The following PPM1H variants were observed in gnomAD, a reference collection of about 807,000 sequenced individuals.
PPM1H encodes protein phosphatase 1H.
In PPM1H, 27 loss-of-function variants were observed where a neutral mutation model predicts 54.9. The observed-to-expected ratio is 0.49, with a 90% CI of 0.36 to 0.68. The LOEUF is 0.68. PPM1H is among the 30% of genes least tolerant of loss of function. The probability of loss-of-function intolerance (pLI) is 0.00; values close to 1 mark genes in which losing one functional copy is unlikely to be tolerated. For missense variants in PPM1H, 596 were observed against 667.8 expected (o/e 0.89, Z 1.19); for synonymous variants, 305 against 270.8 (o/e 1.13, Z -1.24).
At chr12:62,725,110 C>T (rs2076283086) in intron 5 of PPM1H, among the ~76,000 whole-genome samples, 1 of 152,224 alleles carries the variant, frequency 6.6e-6, no homozygotes. Flanking sequence ...CTGACTCCCA[C>T]TTCAGGAATG....
At chr12:62,865,783 C>T (rs1355523325) in intron 1 of PPM1H, among the ~76,000 whole-genome samples, 2 of 152,164 alleles carry the variant, frequency 1.3e-5, no homozygotes, top group African/African-American at 4.8e-5. Context: ...AGGCCTGAGC[C>T]ACCATGCCTG....
chr12:62,822,822 C>T (rs1467154571), intron 2 of PPM1H, among the ~76,000 whole-genome samples: 1 of 152,018 alleles, frequency 6.6e-6, no homozygotes, highest in Non-Finnish European at 1.5e-5. Flanking sequence ...CCTAACATCA[C>T]AATTAAAAGA....
intron 9 of PPM1H, among the ~76,000 whole-genome samples, chr12:62,660,528 T>C (rs1389032755): frequency 2.0e-5 from 3 of 152,046 alleles, no homozygotes; most frequent in Non-Finnish European, 1.5e-5. Context: ...AACCTGGAAG[T>C]AAATCCATGC....
In PPM1H at chr12:62,667,452, T is replaced by C. The variant is rs1160935320; in HGVS notation, c.1246-123A>G. 6 of 871,894 alleles carry C rather than the reference T, an allele frequency of 6.9e-6. No homozygotes were observed. The Admixed American group carries it at 1.4e-4, about 21-fold the overall frequency. 54.0% of individuals were successfully genotyped at this position (871,894 alleles called of 1,614,324 possible). On this transcript the variant is annotated intron_variant, in intron 8 of 9. Transcript: ENST00000228705. ...CCTAGTGGTTTTCAGATATGCATTG[T>C]AGGGTACTTGATTATACAGCGAGCT... is the stretch of plus-strand genomic sequence containing the variant.
At chr12:62,701,743 T>C (rs892296760) in intron 6 of PPM1H, among the ~76,000 whole-genome samples, 7 of 152,020 alleles carry the variant, frequency 4.6e-5, no homozygotes, top group Non-Finnish European at 5.9e-5. Flanking sequence ...TTCTTCCCTT[T>C]GATCCTGCCA....
At chr12:62,766,138 AG>A (rs961590510) in intron 4 of PPM1H, among the ~76,000 whole-genome samples, 2 of 152,186 alleles carry the variant, frequency 1.3e-5, no homozygotes, top group Non-Finnish European at 2.9e-5. Context: ...GATTGATGAC[AG>A]AAGGGGTGGG....
At chr12:62,788,515 A>T (rs1301925316) in intron 3 of PPM1H, 177 bp from the exon 4 acceptor site, 3 of 517,750 alleles carry the variant, frequency 5.8e-6, no homozygotes, top group Non-Finnish European at 1.0e-5. Flanking sequence ...ACACTGGCAT[A>T]AAACTGCCAC....
intron 2 of PPM1H, among the ~76,000 whole-genome samples, chr12:62,814,340 C>A (rs1467273663): frequency 2.0e-5 from 3 of 152,074 alleles, no homozygotes; most frequent in Non-Finnish European, 4.4e-5. Flanking sequence ...ACGTTGGCCG[C>A]CCCAAGAAGC....
intron 1 of PPM1H, among the ~76,000 whole-genome samples, chr12:62,869,720 C>T (rs1423221051): frequency 6.6e-6 from 1 of 152,188 alleles, no homozygotes; most frequent in East Asian, 1.9e-4. Context: ...CGTAACCTGG[C>T]CTGAAACCGT....
chr12:62,648,620 G>T lies in PPM1H; in HGVS notation c.1414C>A (p.Gln472Lys). 6.2e-7 allele frequency: 1 copy of T among 1,613,890 alleles called. No homozygotes were observed. ...DDPHRYTLAA[Q>K]DLVMRARGVL... ...CCCCGGGCACGCATCACCAGGTCCT[G>T]AGCTGCCAGTGTGTACCTACACAGG... Residue 472 changes from glutamine to lysine, a missense_variant, in exon 10 of 10, where the codon CAG becomes AAG. Around this residue, in one of 3 missense-constraint regions of PPM1H, gnomAD observed 208 missense variants for 259.5 expected, o/e 0.80. Coordinates refer to ENST00000228705, the MANE Select transcript of PPM1H (RefSeq NM_020700.2).
At chr12:62,755,231 A>G (rs2076465305) in intron 4 of PPM1H, 2 of 704,088 alleles carry the variant, frequency 2.8e-6, no homozygotes, top group South Asian at 1.4e-5. Flanking sequence ...ACTACGGTGA[A>G]GGTGAAGATC....
intron 1 of PPM1H, among the ~76,000 whole-genome samples, chr12:62,866,688 T>C (rs561622639): frequency 8.5e-5 from 13 of 152,114 alleles, no homozygotes; most frequent in Non-Finnish European, 1.8e-4. Context: ...GGGAACCTCA[T>C]GAGAGGCTGA....
intron 1 of PPM1H, among the ~76,000 whole-genome samples, chr12:62,882,554 G>C (rs1351979543): frequency 6.6e-6 from 1 of 152,240 alleles, no homozygotes; most frequent in East Asian, 1.9e-4. Flanking sequence ...GGAAACAGGG[G>C]CAGAGTGGGG....
At chr12:62,793,542 C>G (rs560105647) in intron 3 of PPM1H, among the ~76,000 whole-genome samples, 1 of 151,772 alleles carries the variant, frequency 6.6e-6, no homozygotes, top group Non-Finnish European at 1.5e-5. Flanking sequence ...TTGACCAACA[C>G]GTAGAAACCC....
chr12:62,755,106 T>A (rs921034855), intron 4 of PPM1H: 5 of 379,668 alleles, frequency 1.3e-5, no homozygotes. Flanking sequence ...GAATATCATG[T>A]CTTTCTTTTC....
At chr12:62,811,737 C>T (rs1235572869) in intron 2 of PPM1H, among the ~76,000 whole-genome samples, 6 of 152,230 alleles carry the variant, frequency 3.9e-5, no homozygotes, top group Middle Eastern at 3.4e-3. Context: ...TTCTCCTTTC[C>T]GCCACCATGT....
rs903645410 is a variant in PPM1H at position 62,693,995 on chromosome 12, A to G, written c.1078T>C (p.Tyr360His). ...AAGTCCTCATCCTCAATGGTTTTGTATGCCCTGTAGGGGATAAACAACATT... is the reference window on the plus strand; with the variant it reads ...AAGTCCTCATCCTCAATGGTTTTGTGTGCCCTGTAGGGGATAAACAACATT... ...YRDFNMTGWAYKTIEDEDLKF... is the reference protein window; with the variant it reads ...YRDFNMTGWAHKTIEDEDLKF... Residue 360 changes from tyrosine (Y) to histidine (H), a missense_variant, in exon 7 of 10, where the codon TAC (tyrosine) becomes CAC (histidine). Tyr to His is a moderately conservative substitution (Grantham distance 83, BLOSUM62 2). Transcript: ENST00000228705. The G allele has an allele frequency of 1.2e-6, 2 of 1,612,352 alleles. No individual in the cohort carries two copies. Among genetic ancestry groups the G allele is most frequent in the Non-Finnish European group, 8.5e-7 (1 of 1,179,312 alleles).
chr12:62,659,430 T>C (rs1331753055), intron 9 of PPM1H, among the ~76,000 whole-genome samples: 1 of 152,208 alleles, frequency 6.6e-6, no homozygotes, highest in Non-Finnish European at 1.5e-5. Context: ...AGCTCATTTT[T>C]ACTCCCATCT....
intron 4 of PPM1H, among the ~76,000 whole-genome samples, chr12:62,777,964 C>T (rs1007698646): frequency 6.6e-6 from 1 of 152,126 alleles, no homozygotes; most frequent in Non-Finnish European, 1.5e-5. Context: ...GAAAGTGGAT[C>T]TTGGAGAAGA....
Sources: allele counts gnomAD v4.1 joint callset (sites outside exome capture counted in the v4.1 genomes callset), GRCh38; gene constraint gnomAD v4.1.1; regional missense constraint gnomAD v4.1.1; transcripts MANE v1.5; gene names NCBI Gene and HGNC (gene_info 2026-07-23, HGNC 2026-07-21).